C12orf43: variants seen among roughly 807,000 people sequenced by gnomAD.
The protein encoded by C12orf43 is chromosome 12 open reading frame 43.
C12orf43 carries 15 observed loss-of-function variants against 20.6 expected under a neutral mutation model. That is an observed-to-expected ratio of 0.73 (90% CI 0.49 to 1.12). C12orf43 has a LOEUF of 1.12. Ranked by LOEUF, C12orf43 falls within the 50% of genes most tolerant of loss-of-function variation. The pLI is 0.00. For missense variants in C12orf43, 334 were observed against 344.4 expected, an observed-to-expected ratio of 0.97 and a Z score of 0.24; for synonymous variants, 144 against 130.8, an observed-to-expected ratio of 1.10 and a Z score of -0.69.
Position 121,001,267 on chromosome 12 carries a change from G to T in C12orf43, c.*2886C>A. On this transcript the variant is annotated 3_prime_UTR_variant, in exon 6 of 6. Transcript: ENST00000288757. ...AGGGCAGCAGCCAGCCCTGCCTGGAGGACCTGAGCCTGCCGAGCAACCGTG... is the reference window on the plus strand; with the variant it reads ...AGGGCAGCAGCCAGCCCTGCCTGGATGACCTGAGCCTGCCGAGCAACCGTG... 10 of 1,573,212 alleles carry T rather than the reference G, an allele frequency of 6.4e-6. No homozygotes were observed. Among genetic ancestry groups the T allele is most frequent in the Non-Finnish European group, 8.7e-6 (10 of 1,154,144 alleles).
chr12:121,011,389 TTA>T lies in C12orf43; in HGVS notation c.146-245_146-244del, dbSNP rs201526291. On this transcript the variant is annotated intron_variant, in intron 1 of 5. Coordinates refer to ENST00000288757, the MANE Select transcript of C12orf43 (RefSeq NM_022895.3). The stretch of plus-strand genomic sequence containing the variant: ...TAGTTACATATTTTATGTAAGTACA[TTA>T]TATATATATATATCTTAGTTATATA... Among the ~76,000 whole-genome samples, 693 of 146,882 alleles carry T rather than the reference TTA, an allele frequency of 4.7e-3. 2 individuals carry two copies. Among genetic ancestry groups the T allele is most frequent in the African/African-American group, 0.012 (492 of 40,494 alleles).
At chr12:121,009,861 T>C (rs1878310425) in intron 3 of C12orf43, among the ~76,000 whole-genome samples, 1 of 152,232 alleles carries the variant, frequency 6.6e-6, no homozygotes, top group Admixed American at 6.5e-5. Flanking sequence ...GTGCTGAGAA[T>C]GTAAGATAGA....
In C12orf43 at chr12:121,003,964, C is replaced by T; in HGVS notation, c.*189G>A. 1 of 656,546 alleles carries T rather than the reference C, an allele frequency of 1.5e-6. No individual in the cohort carries two copies. The highest frequency in any genetic ancestry group is 1.8e-5 in the South Asian group (1 of 54,204). The allele number at this position is 656,546 out of a possible 1,614,324, so 40.7% of individuals were successfully genotyped here. ...GCAGGCCTTGATTGGTCTTCTCACC[C>T]TACAGCCACTTTTTTGGCCCAACTC... On this transcript the variant is annotated 3_prime_UTR_variant, in exon 6 of 6. Transcript: ENST00000288757.
chr12:121,010,271 C>T (rs1878347735), intron 3 of C12orf43, among the ~76,000 whole-genome samples: 1 of 152,230 alleles, frequency 6.6e-6, no homozygotes, highest in Non-Finnish European at 1.5e-5. Flanking sequence ...CGTGCCACTG[C>T]ACGCCAGCAT....
chr12:121,013,147 G>A (rs1318834047), intron 1 of C12orf43, among the ~76,000 whole-genome samples: 1 of 152,166 alleles, frequency 6.6e-6, no homozygotes, highest in Non-Finnish European at 1.5e-5. Context: ...CTGTACTCCA[G>A]AGCACAACAC....
chr12:121,016,173 C>G (rs1868890960), intron 1 of C12orf43, 157 bp downstream of exon 1: 2 of 1,127,614 alleles, frequency 1.8e-6, no homozygotes, highest in Non-Finnish European at 2.6e-6. Flanking sequence ...CCCTACTGCA[C>G]CTGCCCATGC....
chr12:121,010,347 G>A (rs1440285387), intron 3 of C12orf43, among the ~76,000 whole-genome samples: 2 of 152,160 alleles, frequency 1.3e-5, no homozygotes, highest in Non-Finnish European at 2.9e-5. Flanking sequence ...CTTGGAGTCA[G>A]ACGCACTTGG....
chr12:121,004,128 C>T lies in C12orf43; in HGVS notation c.*25G>A. The T allele has an allele frequency of 6.2e-7, 1 of 1,612,042 alleles. No homozygotes were observed. The highest frequency in any genetic ancestry group is 8.5e-7 in the Non-Finnish European group (1 of 1,178,052). On this transcript the variant is annotated 3_prime_UTR_variant, in exon 6 of 6. Coordinates refer to ENST00000288757, the MANE Select transcript of C12orf43 (RefSeq NM_022895.3). This position sits in a 1 kb window ranked among gnomAD's most constrained non-coding sequence, Gnocchi z 5.6. ...GGGGACACCTTGTCCTTGGAGCTGG[C>T]TGAGCCCTGTGCCCATGGCTGGGTT...
rs1877434157 is a variant in C12orf43, at chr12:121,001,029, C to G, written c.*3124G>C. 22 of 1,611,244 alleles carry G rather than the reference C, an allele frequency of 1.4e-5. No homozygotes were observed. Among genetic ancestry groups the G allele is most frequent in the Non-Finnish European group, 1.8e-5 (21 of 1,179,688 alleles). On this transcript the variant is annotated 3_prime_UTR_variant, in exon 6 of 6. Coordinates refer to ENST00000288757, the MANE Select transcript of C12orf43 (RefSeq NM_022895.3). ...AGGCAGGTGGGGTGGGTGTGGGTGC[C>G]TGGTGGGTGGCTAGCAGCCTTGTTT...
intron 3 of C12orf43, among the ~76,000 whole-genome samples, chr12:121,008,723 TCA>T (rs919772462): frequency 8.5e-5 from 13 of 152,360 alleles, no homozygotes; most frequent in African/African-American, 3.1e-4. Flanking sequence ...AATAGCTGGT[TCA>T]CACTTTGGGA....
chr12:121,011,441 TTA>T (rs1878464049), intron 1 of C12orf43, among the ~76,000 whole-genome samples: 1 of 147,976 alleles, frequency 6.8e-6, no homozygotes, highest in African/African-American at 2.5e-5. Flanking sequence ...TATAACTTAG[TTA>T]TATATATAAA....
chr12:121,005,660 A>C lies in C12orf43; in HGVS notation c.362-567T>G, dbSNP rs961993825. 2.6e-5 allele frequency among the ~76,000 whole-genome samples: 4 copies of C among 152,246 alleles called. No individual in the cohort carries two copies. Among genetic ancestry groups the C allele is most frequent in the African/African-American group, 7.2e-5 (3 of 41,468 alleles). ...GATGGGCGAGGCTGTGGAGGGCAGC[A>C]GTAAAGTGCTCCTGCTCAGGGTGAC... is the stretch of plus-strand genomic sequence containing the variant. On this transcript the variant is annotated intron_variant, in intron 4 of 5. Coordinates refer to ENST00000288757, the MANE Select transcript of C12orf43 (RefSeq NM_022895.3). This position sits in a 1 kb window ranked among gnomAD's most constrained non-coding sequence, Gnocchi z 5.6.
rs1877905482 is a variant in C12orf43, at chr12:121,005,217, TAA to T, written c.362-126_362-125del. The T allele has an allele frequency of 1.3e-5, 5 of 388,990 alleles. No homozygotes were observed. The highest frequency in any genetic ancestry group is 1.0e-4 in the Admixed American group (2 of 19,988). 24.1% of individuals were successfully genotyped at this position (388,990 alleles called of 1,614,324 possible). A position where few individuals can be genotyped will look rare whatever the true frequency, so the allele number is the denominator to read the frequency against. On this transcript the variant is annotated intron_variant, in intron 4 of 5. Transcript: ENST00000288757. The surrounding 1 kb of genome is among the most constrained non-coding windows in gnomAD (Gnocchi z 5.6). ...AAAGGAAAACGAAAGAAAGAAAAGATAAAGAGAAACAAAAAAAAAATTTTAAG... is the reference window on the plus strand; with the variant it reads ...AAAGGAAAACGAAAGAAAGAAAAGATAGAGAAACAAAAAAAAAATTTTAAG...
chr12:121,001,413 G>C lies in C12orf43; in HGVS notation c.*2740C>G. On this transcript the variant is annotated 3_prime_UTR_variant, in exon 6 of 6. Coordinates refer to ENST00000288757, the MANE Select transcript of C12orf43 (RefSeq NM_022895.3). ...GGTGCACAGGAGGGGGTCGTGGAGA[G>C]CTAGGAGCAAAGCCTGTTCATGGCA... 1.7e-6 allele frequency: 1 copy of C among 586,200 alleles called. No homozygotes were observed. Among genetic ancestry groups the C allele is most frequent in the Non-Finnish European group, 3.0e-6 (1 of 329,304 alleles). 36.3% of individuals were successfully genotyped at this position (586,200 alleles called of 1,614,324 possible).
rs1440297510 is a variant in C12orf43 at position 121,002,971 on chromosome 12, A to T, written c.*1182T>A. On this transcript the variant is annotated 3_prime_UTR_variant, in exon 6 of 6. Transcript: ENST00000288757. ...TGCCTCGGCCTCCCAAAGTGCTGGG[A>T]TTACAGGTGTGAGCCACCATCCCTG... 1 of 151,990 alleles carries T rather than the reference A, an allele frequency of 6.6e-6. No homozygotes were observed. The highest frequency in any genetic ancestry group is 1.5e-5 in the Non-Finnish European group (1 of 68,564). 9.4% of individuals were successfully genotyped at this position (151,990 alleles called of 1,614,324 possible).
Position 121,004,734 on chromosome 12 carries a change from CAG to C in C12orf43, c.453-247_453-246del, listed in dbSNP as rs1222061401. Reference sequence around the variant, plus strand: ...ATCATCTCTAAAACGGGGATCTTAACAGAGTCCAGGCCTCCCAGGGATGTCCC... The same window carrying C: ...ATCATCTCTAAAACGGGGATCTTAACAGTCCAGGCCTCCCAGGGATGTCCC... On this transcript the variant is annotated intron_variant, in intron 5 of 5. Transcript: ENST00000288757. This position sits in a 1 kb window ranked among gnomAD's most constrained non-coding sequence, Gnocchi z 5.6. 6.6e-6 allele frequency among the ~76,000 whole-genome samples: 1 copy of C among 152,160 alleles called. No individual in the cohort carries two copies. The highest frequency in any genetic ancestry group is 1.5e-5 in the Non-Finnish European group (1 of 68,018).
chr12:121,003,078 G>C lies in C12orf43; in HGVS notation c.*1075C>G, dbSNP rs1436918548. The C allele has an allele frequency of 1.3e-5, 2 of 148,282 alleles. No homozygotes were observed. The highest frequency in any genetic ancestry group is 2.5e-5 in the African/African-American group (1 of 40,244). The allele number at this position is 148,282 out of a possible 1,614,324, so 9.2% of individuals were successfully genotyped here. A position where few individuals can be genotyped will look rare whatever the true frequency, so the allele number is the denominator to read the frequency against. Reference sequence around the variant, plus strand: ...GTCTTGCTCCATTGCTTAGGCTAGAGTGCAGTGGCGCAATCTCGGCTCACT... The same window carrying C: ...GTCTTGCTCCATTGCTTAGGCTAGACTGCAGTGGCGCAATCTCGGCTCACT... On this transcript the variant is annotated 3_prime_UTR_variant, in exon 6 of 6. Coordinates refer to ENST00000288757, the MANE Select transcript of C12orf43 (RefSeq NM_022895.3).
At position 121,002,181 on chromosome 12, in the gene C12orf43, G is replaced by A. The variant is rs1254052741; in HGVS notation, c.*1972C>T. 3 of 478,016 alleles carry A rather than the reference G, an allele frequency of 6.3e-6. No homozygotes were observed. In the Admixed American group the frequency reaches 8.4e-5, roughly 13 times the overall value. 29.6% of individuals were successfully genotyped at this position (478,016 alleles called of 1,614,324 possible). ...CTGAGGTGCCCAGGAGAAGAAAGAG[G>A]TGACCCCAGGGCACAGGAGCTACCT... On this transcript the variant is annotated 3_prime_UTR_variant, in exon 6 of 6. Transcript: ENST00000288757.
intron 1 of C12orf43, 72 bp from the exon 2 acceptor site, chr12:121,011,218 T>G (rs1021982235): frequency 7.6e-7 from 1 of 1,313,664 alleles, no homozygotes; most frequent in African/African-American, 1.5e-5. Context: ...TGCCAGGCAC[T>G]ATTTTCAGCA....
Sources: allele counts gnomAD v4.1 joint callset (sites outside exome capture counted in the v4.1 genomes callset), GRCh38; gene constraint gnomAD v4.1.1; non-coding constraint Gnocchi (gnomAD v3.1); transcripts MANE v1.5; gene names NCBI Gene and HGNC (gene_info 2026-07-23, HGNC 2026-07-21).